Variants in RALY observed in about 807,000 individuals in gnomAD.
RALY encodes RNA-binding protein Raly.
RALY carries 15 observed loss-of-function variants against 30.7 expected under a neutral mutation model. That is an observed-to-expected ratio of 0.49 (90% CI 0.33 to 0.75). The LOEUF (loss-of-function observed/expected upper bound fraction) is 0.75, where lower values mean the gene tolerates loss of function less well. Among genes scored for constraint, RALY ranks in the 30% least tolerant of loss-of-function variants. The pLI is 0.02. For missense variants in RALY, 339 were observed against 414.3 expected, an observed-to-expected ratio of 0.82 and a Z score of 1.58; for synonymous variants, 177 against 170.8, an observed-to-expected ratio of 1.04 and a Z score of -0.28.
In RALY at chr20:34,072,344, C is replaced by G. The variant is rs759884673; in HGVS notation, c.256+14C>G. On this transcript the variant is annotated intron_variant, in intron 3 of 9. Transcript: ENST00000246194. The stretch of plus-strand genomic sequence containing the variant: ...GGCAGACCCTGGGTAAGCCTCTCTT[C>G]ACTATATTCTCCTAGTATTCTCTAG... The G allele has an allele frequency of 1.9e-6, 3 of 1,606,918 alleles. No homozygotes were observed. The highest frequency in any genetic ancestry group is 2.2e-5 in the South Asian group (2 of 90,892).
chr20:34,061,449 TAGA>T (rs1248519191), intron 2 of RALY, among the ~76,000 whole-genome samples: 5 of 152,222 alleles, frequency 3.3e-5, no homozygotes. Flanking sequence ...TTTGGTTTCA[TAGA>T]AGTTCACAGT....
chr20:34,038,097 G>A (rs991482204), intron 2 of RALY, among the ~76,000 whole-genome samples: 1 of 152,218 alleles, frequency 6.6e-6, no homozygotes, highest in African/African-American at 2.4e-5. Flanking sequence ...GAAAGGAATT[G>A]CATGCAAAGG....
At position 34,082,851 on chromosome 20, in the gene RALY, TGTG is replaced by T. The variant is rs1159784585; in HGVS notation, c.*2949_*2951del. The T allele has an allele frequency of 6.6e-6, 1 of 152,228 alleles. No individual in the cohort carries two copies. The highest frequency in any genetic ancestry group is 1.5e-5 in the Non-Finnish European group (1 of 68,042). The allele number at this position is 152,228 out of a possible 1,614,324, so 9.4% of individuals were successfully genotyped here. A position where few individuals can be genotyped will look rare whatever the true frequency, so the allele number is the denominator to read the frequency against. ...AACTCCAGAAGGAGATGGTGATAAA[TGTG>T]GTACCGGATTCTGCCTAAAGGATCA... On this transcript the variant is annotated 3_prime_UTR_variant, in exon 10 of 10. Transcript: ENST00000246194.
At chr20:34,041,629 A>T (rs181627502) in intron 2 of RALY, among the ~76,000 whole-genome samples, 1 of 151,892 alleles carries the variant, frequency 6.6e-6, no homozygotes, top group African/African-American at 2.4e-5. Context: ...ACTTATTTCA[A>T]CCCCTTATAG....
intron 2 of RALY, among the ~76,000 whole-genome samples, chr20:34,048,096 G>C (rs1303001660): frequency 6.6e-6 from 1 of 152,192 alleles, no homozygotes; most frequent in African/African-American, 2.4e-5. Context: ...TGAACAAAAG[G>C]CTTCTTCTCT....
intron 2 of RALY, among the ~76,000 whole-genome samples, chr20:34,051,152 T>C (rs1318962183): frequency 1.3e-5 from 2 of 152,188 alleles, no homozygotes; most frequent in Non-Finnish European, 2.9e-5. Flanking sequence ...CAGACCCCTT[T>C]CATACGTGTT....
chr20:34,032,058 G>C (rs1402673316), intron 2 of RALY, among the ~76,000 whole-genome samples: 1 of 152,182 alleles, frequency 6.6e-6, no homozygotes, highest in African/African-American at 2.4e-5. Context: ...CGCCTCCCGG[G>C]TTCAAGCAAT....
chr20:34,005,307 C>T (rs1428374877), intron 1 of RALY, among the ~76,000 whole-genome samples: 1 of 151,972 alleles, frequency 6.6e-6, no homozygotes. Flanking sequence ...GTCAGGAGAT[C>T]GAGACCATCC....
intron 2 of RALY, among the ~76,000 whole-genome samples, chr20:34,038,924 A>G (rs1405649236): frequency 6.6e-6 from 1 of 152,212 alleles, no homozygotes; most frequent in Non-Finnish European, 1.5e-5. Flanking sequence ...AGATTGAAGT[A>G]GGAGAGTGTG....
chr20:34,044,077 A>G (rs1322283088), intron 2 of RALY, among the ~76,000 whole-genome samples: 1 of 152,074 alleles, frequency 6.6e-6, no homozygotes, highest in African/African-American at 2.4e-5. Context: ...GAGGCACAGA[A>G]GCTTATGTGG....
At chr20:34,012,969 T>C (rs1300600338) in intron 1 of RALY, among the ~76,000 whole-genome samples, 1 of 152,226 alleles carries the variant, frequency 6.6e-6, no homozygotes, top group Non-Finnish European at 1.5e-5. Flanking sequence ...AAAAGTGATA[T>C]GCATTCAGTA....
At chr20:34,067,534 G>C (rs1255941596) in intron 2 of RALY, among the ~76,000 whole-genome samples, 1 of 152,076 alleles carries the variant, frequency 6.6e-6, no homozygotes, top group Non-Finnish European at 1.5e-5. Context: ...TACCTTTTAG[G>C]GCTTTTCTAC....
At chr20:34,023,372 C>A (rs1034090092) in intron 1 of RALY, among the ~76,000 whole-genome samples, 2 of 152,148 alleles carry the variant, frequency 1.3e-5, no homozygotes, top group African/African-American at 4.8e-5. Context: ...GTGGTCAAAG[C>A]ACCAAGGATA....
intron 2 of RALY, among the ~76,000 whole-genome samples, chr20:34,058,399 G>A (rs1047472044): frequency 6.6e-6 from 1 of 152,076 alleles, no homozygotes; most frequent in African/African-American, 2.4e-5. Context: ...TGCTGCTGTG[G>A]GAGTGAGAGA....
intron 1 of RALY, among the ~76,000 whole-genome samples, chr20:34,013,276 T>TG (rs1234557853): frequency 6.6e-6 from 1 of 151,694 alleles, no homozygotes; most frequent in Non-Finnish European, 1.5e-5. Flanking sequence ...GCTCGCATAA[T>TG]GGGGCATTCC....
chr20:34,013,078 G>C (rs961243356), intron 1 of RALY, among the ~76,000 whole-genome samples: 1 of 152,100 alleles, frequency 6.6e-6, no homozygotes, highest in Non-Finnish European at 1.5e-5. Flanking sequence ...TTATAAAATA[G>C]GCTTTGTGTT....
At chr20:33,995,970 C>G (rs141482297) in intron 1 of RALY, among the ~76,000 whole-genome samples, 3 of 152,316 alleles carry the variant, frequency 2.0e-5, no homozygotes, top group African/African-American at 7.2e-5. Context: ...GTCCCCACCC[C>G]TTTCTGTGCC....
intron 2 of RALY, among the ~76,000 whole-genome samples, chr20:34,060,517 C>T (rs1460140191): frequency 6.6e-6 from 1 of 152,182 alleles, no homozygotes; most frequent in Non-Finnish European, 1.5e-5. Flanking sequence ...ATTCTGAATG[C>T]TTACATGAAT....
At chr20:34,063,113 C>G (rs150727288) in intron 2 of RALY, among the ~76,000 whole-genome samples, 11 of 152,316 alleles carry the variant, frequency 7.2e-5, no homozygotes, top group African/African-American at 2.6e-4. Flanking sequence ...TGAGCAAGAC[C>G]AGACACCAAG....
Sources: gnomAD v4.1 joint callset for allele counts (sites outside exome capture counted in the v4.1 genomes callset) on GRCh38, gnomAD v4.1.1 for gene constraint, MANE v1.5 for transcripts, NCBI Gene and HGNC (gene_info 2026-07-23, HGNC 2026-07-21) for gene names.